CTDNEP1: variants seen among roughly 807,000 people sequenced by gnomAD.
CTDNEP1 encodes the protein C-terminal domain nuclear envelope phosphatase 1.
In CTDNEP1, 3 loss-of-function variants were observed where a neutral mutation model predicts 30.1. The ratio of observed to expected loss-of-function variants is 0.10; its 90% CI spans 0.05 to 0.26. The LOEUF (loss-of-function observed/expected upper bound fraction) is 0.26, where lower values mean the gene tolerates loss of function less well. Among genes scored for constraint, CTDNEP1 ranks in the 10% least tolerant of loss-of-function variants. The pLI is 1.00. For missense variants in CTDNEP1, 158 were observed against 310.4 expected (o/e 0.51, Z 3.69); for synonymous variants, 123 against 118.8 (o/e 1.04, Z -0.23).
Position 7,244,138 on chromosome 17 carries a change from C to T in CTDNEP1, c.*47G>A, listed in dbSNP as rs757722724. The T allele has an allele frequency of 7.0e-5, 113 of 1,611,866 alleles. 1 individual carries two copies. The highest frequency in any genetic ancestry group is 9.6e-5 in the Non-Finnish European group (113 of 1,179,004). On this transcript the variant is annotated 3_prime_UTR_variant, in exon 8 of 8. Coordinates refer to ENST00000574322, the MANE Select transcript of CTDNEP1 (RefSeq NM_001143775.2). ...CATCAGACGGCATCCCAAGGGCTCG[C>T]CCTCCCTTTCCCCCCCACCCCAACT...
rs1597573426 is a variant in CTDNEP1 at position 7,246,016 on chromosome 17, T to A, written c.589+10A>T. 6.3e-7 allele frequency: 1 copy of A among 1,587,130 alleles called. No homozygotes were observed. The highest frequency in any genetic ancestry group is 2.2e-5 in the East Asian group (1 of 44,720). ...TCTGGTCCTGCCAGACTCACCACCT[T>A]CCCCCGTACCTGGATGGCTCCTGTA... On this transcript the variant is annotated intron_variant, in intron 6 of 7. Coordinates refer to ENST00000574322, the MANE Select transcript of CTDNEP1 (RefSeq NM_001143775.2). This position sits in a 1 kb window ranked among gnomAD's most constrained non-coding sequence, Gnocchi z 4.9.
intron 7 of CTDNEP1, 101 bp from the exon 8 acceptor site, chr17:7,244,346 C>T (rs2071811558): frequency 2.2e-6 from 3 of 1,351,390 alleles, no homozygotes; most frequent in South Asian, 2.4e-5. Context: ...CCTAAATTAT[C>T]ACCATATTCA....
chr17:7,247,251 A>G (rs374174621), intron 2 of CTDNEP1, 26 bp downstream of exon 2: 17 of 1,612,824 alleles, frequency 1.1e-5, no homozygotes, highest in African/African-American at 4.0e-5. Flanking sequence ...CTTCACCCTA[A>G]AGGAGGCTTC....
Position 7,246,702 on chromosome 17 carries a change from C to G in CTDNEP1, c.360+89G>C. On this transcript the variant is annotated intron_variant, in intron 4 of 7. Transcript: ENST00000574322. This position sits in a 1 kb window ranked among gnomAD's most constrained non-coding sequence, Gnocchi z 4.9. Reference sequence around the variant, plus strand: ...TAGAAAACTGCTCTAACCCGTTTCTCCTCACCCCTTCCTCCAAATCCTCCC... The same window carrying G: ...TAGAAAACTGCTCTAACCCGTTTCTGCTCACCCCTTCCTCCAAATCCTCCC... The G allele has an allele frequency of 8.5e-7, 1 of 1,179,256 alleles. No homozygotes were observed. The highest frequency in any genetic ancestry group is 1.3e-5 in the South Asian group (1 of 76,962). The allele number at this position is 1,179,256 out of a possible 1,614,324, so 73.0% of individuals were successfully genotyped here.
Position 7,246,701 on chromosome 17 carries a change from T to TC in CTDNEP1, c.360+89dup. ...CTAGAAAACTGCTCTAACCCGTTTCTCCTCACCCCTTCCTCCAAATCCTCC... is the reference window on the plus strand; with the variant it reads ...CTAGAAAACTGCTCTAACCCGTTTCTCCCTCACCCCTTCCTCCAAATCCTCC... On this transcript the variant is annotated intron_variant, in intron 4 of 7. Coordinates refer to ENST00000574322, the MANE Select transcript of CTDNEP1 (RefSeq NM_001143775.2). This position sits in a 1 kb window ranked among gnomAD's most constrained non-coding sequence, Gnocchi z 4.9. The TC allele has an allele frequency of 8.6e-7, 1 of 1,161,826 alleles. No homozygotes were observed. The highest frequency in any genetic ancestry group is 1.3e-6 in the Non-Finnish European group (1 of 783,236). The allele number at this position is 1,161,826 out of a possible 1,614,324, so 72.0% of individuals were successfully genotyped here.
intron 7 of CTDNEP1, 100 bp downstream of exon 7, chr17:7,244,451 A>G (rs1338860593): frequency 3.9e-6 from 5 of 1,295,954 alleles, no homozygotes; most frequent in African/African-American, 1.5e-5. Context: ...TTCTTAAGGG[A>G]ACAGAGTTAA....
In CTDNEP1 at chr17:7,246,977, G is replaced by A. The variant is rs2142998603; in HGVS notation, c.288+87C>T. On this transcript the variant is annotated intron_variant, in intron 3 of 7. Coordinates refer to ENST00000574322, the MANE Select transcript of CTDNEP1 (RefSeq NM_001143775.2). This position sits in a 1 kb window ranked among gnomAD's most constrained non-coding sequence, Gnocchi z 4.9. ...GCTGACACTGGTGCCAGCGGATGGA[G>A]ACAGATGCTCTGGGACTGGGAAAGG... 7.1e-7 allele frequency: 1 copy of A among 1,408,444 alleles called. No individual in the cohort carries two copies. 87.2% of individuals were successfully genotyped at this position (1,408,444 alleles called of 1,614,324 possible). A position where few individuals can be genotyped will look rare whatever the true frequency, so the allele number is the denominator to read the frequency against.
chr17:7,247,395 A>T, intron 1 of CTDNEP1, 52 bp from the exon 2 acceptor site: 1 of 1,334,660 alleles, frequency 7.5e-7, no homozygotes, highest in Non-Finnish European at 1.1e-6. Context: ...AGCCTTCCCC[A>T]GTAACAGTAA....
rs2071920006 is a variant in CTDNEP1 at position 7,251,315 on chromosome 17, G to T, written c.-19C>A. 6.7e-7 allele frequency: 1 copy of T among 1,495,850 alleles called. No individual in the cohort carries two copies. The highest frequency in any genetic ancestry group is 8.9e-7 in the Non-Finnish European group (1 of 1,120,782). The allele number at this position is 1,495,850 out of a possible 1,614,324, so 92.7% of individuals were successfully genotyped here. ...GCATCATCCCGATGACCCCGGCACC[G>T]CCGGCCCCGGGGCCCCCGCGGCCCA... On this transcript the variant is annotated 5_prime_UTR_variant, in exon 1 of 8. Coordinates refer to ENST00000574322, the MANE Select transcript of CTDNEP1 (RefSeq NM_001143775.2).
Position 7,251,361 on chromosome 17 carries a change from G to A in CTDNEP1, c.-65C>T, listed in dbSNP as rs1361900624. ...GCCCAGCTCCGCCAGCCCCCCGGGG[G>A]CAGCCCCCCGCCGCCGGGAGGGGGA... On this transcript the variant is annotated 5_prime_UTR_variant, in exon 1 of 8. Coordinates refer to ENST00000574322, the MANE Select transcript of CTDNEP1 (RefSeq NM_001143775.2). The A allele has an allele frequency of 9.8e-6, 11 of 1,123,892 alleles. No individual in the cohort carries two copies. The East Asian group carries it at 1.6e-4, about 17-fold the overall frequency. The allele number at this position is 1,123,892 out of a possible 1,614,324, so 69.6% of individuals were successfully genotyped here. A position where few individuals can be genotyped will look rare whatever the true frequency, so the allele number is the denominator to read the frequency against.
At position 7,247,855 on chromosome 17, in the gene CTDNEP1, CTTAAG is replaced by C. The variant is rs1156922436; in HGVS notation, c.103-517_103-513del. Among the ~76,000 whole-genome samples the C allele has an allele frequency of 1.6e-4, 24 of 152,180 alleles. No homozygotes were observed. In the East Asian group the frequency reaches 2.3e-3, roughly 15 times the overall value. ...CTGAGGCCACACAGCTAGGAATTAT[CTTAAG>C]TTGTTTCTCTCCCTAATTAAAATGA... On this transcript the variant is annotated intron_variant, in intron 1 of 7. Coordinates refer to ENST00000574322, the MANE Select transcript of CTDNEP1 (RefSeq NM_001143775.2).
At chr17:7,250,903 A>G (rs1436191088) in intron 1 of CTDNEP1, among the ~76,000 whole-genome samples, 4 of 152,026 alleles carry the variant, frequency 2.6e-5, no homozygotes, top group Admixed American at 2.6e-4. Flanking sequence ...TTCTTTAGCA[A>G]CAACTCCAGC....
upstream of CTDNEP1, chr17:7,251,776 GGCCGCGGCAGCGGAGA>G (rs1324819865): frequency 1.3e-5 from 2 of 152,336 alleles, no homozygotes; most frequent in African/African-American, 4.8e-5. Flanking sequence ...GCGCGCAAAG[GGCCGCGGCAGCGGAGA>G]ACGGGCCTGC....
chr17:7,244,659 G>A, intron 6 of CTDNEP1, 24 bp from the exon 7 acceptor site: 6 of 1,522,192 alleles, frequency 3.9e-6, no homozygotes, highest in Non-Finnish European at 4.5e-6. Flanking sequence ...AAATGCAGAT[G>A]AGAAGAAACA....
chr17:7,249,523 TG>T (rs2071885773), intron 1 of CTDNEP1, among the ~76,000 whole-genome samples: 1 of 152,204 alleles, frequency 6.6e-6, no homozygotes, highest in East Asian at 1.9e-4. Context: ...AGAGCAATTT[TG>T]GAAGTAACCT....
At position 7,244,255 on chromosome 17, in the gene CTDNEP1, C is replaced by G. The variant is rs1174092436; in HGVS notation, c.675-10G>C. 11 of 1,613,932 alleles carry G rather than the reference C, an allele frequency of 6.8e-6. No homozygotes were observed. Among genetic ancestry groups the G allele is most frequent in the Non-Finnish European group, 9.3e-6 (11 of 1,179,940 alleles). ...AACATCAGCGGTGAACCTGGGGTGACAATAACTTGCATTGGTAGAGTACCT... is the reference window on the plus strand; with the variant it reads ...AACATCAGCGGTGAACCTGGGGTGAGAATAACTTGCATTGGTAGAGTACCT... On this transcript the variant is annotated splice_polypyrimidine_tract_variant and intron_variant, in intron 7 of 7. Transcript: ENST00000574322.
In CTDNEP1 at chr17:7,251,326, G is replaced by T; in HGVS notation, c.-30C>A. 1.4e-6 allele frequency: 2 copies of T among 1,439,956 alleles called. No homozygotes were observed. Among genetic ancestry groups the T allele is most frequent in the East Asian group, 2.9e-5 (1 of 34,294 alleles). The allele number at this position is 1,439,956 out of a possible 1,614,324, so 89.2% of individuals were successfully genotyped here. ...ATGACCCCGGCACCGCCGGCCCCGGGGCCCCCGCGGCCCAGCTCCGCCAGC... is the reference window on the plus strand; with the variant it reads ...ATGACCCCGGCACCGCCGGCCCCGGTGCCCCCGCGGCCCAGCTCCGCCAGC... On this transcript the variant is annotated 5_prime_UTR_variant, in exon 1 of 8. Coordinates refer to ENST00000574322, the MANE Select transcript of CTDNEP1 (RefSeq NM_001143775.2).
At chr17:7,247,613 C>T (rs1477064783) in intron 1 of CTDNEP1, among the ~76,000 whole-genome samples, 1 of 151,790 alleles carries the variant, frequency 6.6e-6, no homozygotes, top group Admixed American at 6.6e-5. Context: ...GGACTACAGG[C>T]GTGCACCACC....
rs371614824 is a variant in CTDNEP1 at position 7,246,175 on chromosome 17, G to A, written c.478-38C>T. 46 of 1,589,546 alleles carry A rather than the reference G, an allele frequency of 2.9e-5. No homozygotes were observed. Among genetic ancestry groups the A allele is most frequent in the Non-Finnish European group, 3.8e-5 (44 of 1,157,958 alleles). On this transcript the variant is annotated intron_variant, in intron 5 of 7. Coordinates refer to ENST00000574322, the MANE Select transcript of CTDNEP1 (RefSeq NM_001143775.2). The surrounding 1 kb of genome is among the most constrained non-coding windows in gnomAD (Gnocchi z 4.9). ...GGATCATGTAGCAGGCCTCTCTCCA[G>A]GATACTCTCCTCAAACCCAGATCCC...
Sources: allele counts gnomAD v4.1 joint callset (sites outside exome capture counted in the v4.1 genomes callset), GRCh38; gene constraint gnomAD v4.1.1; non-coding constraint Gnocchi (gnomAD v3.1); transcripts MANE v1.5; gene names NCBI Gene and HGNC (gene_info 2026-07-23, HGNC 2026-07-21).